Variants in NR5A1 observed in about 807,000 individuals in gnomAD.
NR5A1 encodes nuclear receptor subfamily 5 group A member 1, also known as steroidogenic factor 1.
A neutral mutation model predicts 42.7 loss-of-function variants in NR5A1; 6 were observed. The observed-to-expected ratio is 0.14, with a 90% CI of 0.08 to 0.28. The LOEUF (loss-of-function observed/expected upper bound fraction) is 0.28, where lower values mean the gene tolerates loss of function less well. Ranked by LOEUF, NR5A1 falls within the 10% of genes least tolerant of loss-of-function variation. The pLI is 1.00. For synonymous variants in NR5A1, 274 were observed against 277.5 expected (o/e 0.99, Z 0.12); for missense variants, 442 against 626.4 (o/e 0.71, Z 3.14).
chr9:124,488,099 G>C (rs566252194), intron 6 of NR5A1, among the ~76,000 whole-genome samples: 1 of 131,558 alleles, frequency 7.6e-6, no homozygotes, highest in South Asian at 2.7e-4. Context: ...CCAGAACTTT[G>C]TGCAAGCTGT....
chr9:124,486,647 C>A (rs4838189), intron 6 of NR5A1, among the ~76,000 whole-genome samples: 94,278 of 152,024 alleles, frequency 0.62, 31,395 homozygotes, highest in African/African-American at 0.87. Context: ...TCTAGACTTG[C>A]CTTCCTCCTC....
rs1160120759 is a variant in NR5A1 at position 124,498,148 on chromosome 9, C to CT, written c.870+1941dup. Among the ~76,000 whole-genome samples the CT allele has an allele frequency of 1.3e-5, 2 of 152,136 alleles. No homozygotes were observed. Among genetic ancestry groups the CT allele is most frequent in the African/African-American group, 4.8e-5 (2 of 41,432 alleles). ...TGGAGGTGGGGAAATGAATGATCAGCTAGAAGAGACGCCGGAGTCACCCAC... is the reference window on the plus strand; with the variant it reads ...TGGAGGTGGGGAAATGAATGATCAGCTTAGAAGAGACGCCGGAGTCACCCAC... On this transcript the variant is annotated intron_variant, in intron 4 of 6. Transcript: ENST00000373588. The surrounding 1 kb of genome is among the most constrained non-coding windows in gnomAD (Gnocchi z 4.6).
chr9:124,483,975 G>GT (rs1832169927), intron 6 of NR5A1, among the ~76,000 whole-genome samples: 1 of 152,168 alleles, frequency 6.6e-6, no homozygotes, highest in South Asian at 2.1e-4. Flanking sequence ...TGAAAATATC[G>GT]TAAGTCAGAA....
At chr9:124,483,512 C>T (rs546994528) in intron 6 of NR5A1, among the ~76,000 whole-genome samples, 5 of 152,336 alleles carry the variant, frequency 3.3e-5, no homozygotes, top group South Asian at 2.1e-4. Flanking sequence ...GTGTCTGGCA[C>T]GTGAGAAGCT....
In NR5A1 at chr9:124,482,666, T is replaced by G; in HGVS notation, c.*92A>C. 1 of 1,425,416 alleles carries G rather than the reference T, an allele frequency of 7.0e-7. No homozygotes were observed. The highest frequency in any genetic ancestry group is 1.2e-5 in the South Asian group (1 of 81,296). 88.3% of individuals were successfully genotyped at this position (1,425,416 alleles called of 1,614,324 possible). A position where few individuals can be genotyped will look rare whatever the true frequency, so the allele number is the denominator to read the frequency against. ...GGGCTCCTCGGTGGGCATCAGAAAA[T>G]GAACCATGCGGAGCCAGCGGTGTGG... On this transcript the variant is annotated 3_prime_UTR_variant, in exon 7 of 7. Transcript: ENST00000373588.
chr9:124,489,442 C>A (rs1043223392), intron 6 of NR5A1, among the ~76,000 whole-genome samples: 1 of 152,248 alleles, frequency 6.6e-6, no homozygotes, highest in South Asian at 2.1e-4. Flanking sequence ...TTCACACAGG[C>A]TAACACTTCA....
At chr9:124,499,334 G>C (rs368160700) in intron 4 of NR5A1, among the ~76,000 whole-genome samples, 2 of 152,268 alleles carry the variant, frequency 1.3e-5, no homozygotes, top group East Asian at 3.9e-4. Flanking sequence ...CCTCGACCCA[G>C]GGGGAAAGAA....
chr9:124,505,027 C>T (rs1832534834), intron 1 of NR5A1, among the ~76,000 whole-genome samples: 1 of 151,888 alleles, frequency 6.6e-6, no homozygotes, highest in Admixed American at 6.6e-5. Flanking sequence ...TATATCGGCG[C>T]GTGCGGTATC....
intron 6 of NR5A1, among the ~76,000 whole-genome samples, chr9:124,487,992 G>A (rs898928060): frequency 2.6e-5 from 4 of 152,176 alleles, no homozygotes; most frequent in African/African-American, 9.7e-5. Context: ...CCAGGCCCCG[G>A]CATTCAAGGC....
chr9:124,501,016 C>CT lies in NR5A1; in HGVS notation c.245-302dup, dbSNP rs769367534. 4.8e-3 allele frequency: 3,168 copies of CT among 654,788 alleles called. 10 individuals are homozygous for CT. The highest frequency in any genetic ancestry group is 0.02 in the African/African-American group (1,130 of 55,376). 40.6% of individuals were successfully genotyped at this position (654,788 alleles called of 1,614,324 possible). A position where few individuals can be genotyped will look rare whatever the true frequency, so the allele number is the denominator to read the frequency against. ...CCTTTCATTTTCCTTCTGACTCAAA[C>CT]TTTTTTTTTTCTCTTGTGCTTGCTG... On this transcript the variant is annotated intron_variant, in intron 3 of 6. Coordinates refer to ENST00000373588, the MANE Select transcript of NR5A1 (RefSeq NM_004959.5). The surrounding 1 kb of genome is among the most constrained non-coding windows in gnomAD (Gnocchi z 4.1).
At chr9:124,489,423 C>T (rs1362207444) in intron 6 of NR5A1, among the ~76,000 whole-genome samples, 2 of 152,254 alleles carry the variant, frequency 1.3e-5, no homozygotes, top group Non-Finnish European at 2.9e-5. Context: ...CCCAGTCACA[C>T]ACAAACTCTT....
chr9:124,489,636 C>T (rs138861142), intron 6 of NR5A1, among the ~76,000 whole-genome samples: 6 of 152,242 alleles, frequency 3.9e-5, no homozygotes, highest in East Asian at 3.9e-4. Flanking sequence ...GGTGCCGTTG[C>T]GGGCAGAGGT....
At chr9:124,488,086 T>A (rs954420475) in intron 6 of NR5A1, among the ~76,000 whole-genome samples, 1 of 149,940 alleles carries the variant, frequency 6.7e-6, no homozygotes, top group Non-Finnish European at 1.5e-5. Flanking sequence ...CTTTCAGGAT[T>A]CCCCAGAACT....
Position 124,501,978 on chromosome 9 carries a change from G to T in NR5A1, c.244+1101C>A, listed in dbSNP as rs1832478171. Among the ~76,000 whole-genome samples, 1 of 152,164 alleles carries T rather than the reference G, an allele frequency of 6.6e-6. No homozygotes were observed. Among genetic ancestry groups the T allele is most frequent in the African/African-American group, 2.4e-5 (1 of 41,418 alleles). ...GGTAGGGAGGCAAAGAGGGGCCTGG[G>T]TTTCTTGGGGGCAATTCAATTGTCC... On this transcript the variant is annotated intron_variant, in intron 3 of 6. Transcript: ENST00000373588. This position sits in a 1 kb window ranked among gnomAD's most constrained non-coding sequence, Gnocchi z 4.1.
intron 6 of NR5A1, among the ~76,000 whole-genome samples, chr9:124,489,734 C>T (rs1832273847): frequency 6.6e-6 from 1 of 151,852 alleles, no homozygotes; most frequent in Non-Finnish European, 1.5e-5. Context: ...TAACTGGCTG[C>T]CCAAGATCCT....
intron 4 of NR5A1, 92 bp from the exon 5 acceptor site, chr9:124,493,241 G>A: frequency 1.3e-6 from 2 of 1,501,426 alleles, no homozygotes; most frequent in Non-Finnish European, 8.9e-7. Flanking sequence ...ACCCAACTAG[G>A]CGTGCAGCCT....
In NR5A1 at chr9:124,498,461, C is replaced by T. The variant is rs528001416; in HGVS notation, c.870+1629G>A. 6.6e-6 allele frequency among the ~76,000 whole-genome samples: 1 copy of T among 152,220 alleles called. No individual in the cohort carries two copies. The highest frequency in any genetic ancestry group is 1.5e-5 in the Non-Finnish European group (1 of 68,038). ...AGCTGGGACAAAAGCCCTTCCCATC[C>T]TGCGTGAAAATCCCCGGGAGACTAG... On this transcript the variant is annotated intron_variant, in intron 4 of 6. Coordinates refer to ENST00000373588, the MANE Select transcript of NR5A1 (RefSeq NM_004959.5). The surrounding 1 kb of genome is among the most constrained non-coding windows in gnomAD (Gnocchi z 4.6).
chr9:124,494,954 T>G (rs1477699431), intron 4 of NR5A1, among the ~76,000 whole-genome samples: 1 of 152,152 alleles, frequency 6.6e-6, no homozygotes, highest in Non-Finnish European at 1.5e-5. Flanking sequence ...AGCACCCCGC[T>G]CTCTGTTCCC....
At position 124,491,196 on chromosome 9, in the gene NR5A1, G is replaced by A. The variant is rs920892968; in HGVS notation, c.1023C>T (p.Gly341=). 17 of 1,607,310 alleles carry A rather than the reference G, an allele frequency of 1.1e-5. No individual in the cohort carries two copies. Among genetic ancestry groups the A allele is most frequent in the African/African-American group, 2.7e-5 (2 of 74,860 alleles). ...GCAACACCAGGCTGTGCAGCAGCGA[G>A]CCCGCCTGGGTGGCCACTGTGGTCA... is the stretch of plus-strand genomic sequence containing the variant. ...VELTTVATQA[G]SLLHSLVLRA... Residue 341 remains glycine (G), a synonymous_variant, in exon 6 of 7, where the codon GGC becomes GGT. Transcript: ENST00000373588.
Sources: gnomAD v4.1 joint callset for allele counts (sites outside exome capture counted in the v4.1 genomes callset) on GRCh38, gnomAD v4.1.1 for gene constraint, Gnocchi (gnomAD v3.1) non-coding constraint, MANE v1.5 for transcripts, NCBI Gene and HGNC (gene_info 2026-07-23, HGNC 2026-07-21) for gene names.